PRKG1: variants seen among roughly 807,000 people sequenced by gnomAD.
PRKG1 encodes cGMP-dependent protein kinase 1.
Under a neutral mutation model 88.1 loss-of-function variants are expected in PRKG1, and 35 were observed. That is an observed-to-expected ratio of 0.40 (90% CI 0.30 to 0.53). The LOEUF (loss-of-function observed/expected upper bound fraction) is 0.53, where lower values mean the gene tolerates loss of function less well. PRKG1 is among the 20% of genes least tolerant of loss of function. PRKG1 has a pLI of 0.59. For missense variants in PRKG1, 540 were observed against 839.8 expected, an observed-to-expected ratio of 0.64 and a Z score of 4.41; for synonymous variants, 303 against 292.5, an observed-to-expected ratio of 1.04 and a Z score of -0.37.
intron 3 of PRKG1, among the ~76,000 whole-genome samples, chr10:51,603,988 C>T (rs1453948210): frequency 1.3e-5 from 2 of 152,100 alleles, no homozygotes; most frequent in African/African-American, 4.8e-5. Flanking sequence ...GTTTACCCCA[C>T]TTCTGTGTCC....
chr10:52,239,409 A>C (rs1840788475), intron 9 of PRKG1, among the ~76,000 whole-genome samples: 2 of 148,922 alleles, frequency 1.3e-5, no homozygotes, highest in South Asian at 4.2e-4. Flanking sequence ...TTTTACTGAA[A>C]TGAGTTGATT....
intron 13 of PRKG1, among the ~76,000 whole-genome samples, chr10:52,281,408 G>T (rs1365937921): frequency 1.3e-5 from 2 of 151,556 alleles, no homozygotes; most frequent in African/African-American, 4.9e-5. Context: ...CCATAGAAGA[G>T]AAGTTCTTTT....
intron 5 of PRKG1, among the ~76,000 whole-genome samples, chr10:51,948,632 G>A (rs868745848): frequency 1.3e-5 from 2 of 151,906 alleles, no homozygotes; most frequent in African/African-American, 4.8e-5. Context: ...CAGTCTTGGT[G>A]ACCTGAGAAA....
chr10:51,774,552 A>G (rs1284842646), intron 3 of PRKG1, among the ~76,000 whole-genome samples: 4 of 152,112 alleles, frequency 2.6e-5, no homozygotes, highest in Non-Finnish European at 5.9e-5. Context: ...AGAGTACAGT[A>G]TGCTTACTCT....
chr10:51,991,667 G>T (rs918449805), intron 5 of PRKG1, among the ~76,000 whole-genome samples: 1 of 152,170 alleles, frequency 6.6e-6, no homozygotes, highest in Non-Finnish European at 1.5e-5. Context: ...TGCTGAGAAT[G>T]ATGGTTTCCA....
chr10:52,160,021 G>A lies in PRKG1; in HGVS notation c.1002-1868G>A, dbSNP rs142816797. Among the ~76,000 whole-genome samples, 1,322 of 151,996 alleles carry A rather than the reference G, an allele frequency of 8.7e-3. 17 individuals carry two copies. The highest frequency in any genetic ancestry group is 0.031 in the African/African-American group (1,268 of 41,526). ...TGGAATATACATTCTGGTGGTGGAC[G>A]TGCTGCTGAATTGCAGTCATCTTGG... On this transcript the variant is annotated intron_variant, in intron 8 of 17. Coordinates refer to ENST00000373980, the MANE Select transcript of PRKG1 (RefSeq NM_006258.4).
chr10:51,842,725 A>G (rs972485984), intron 4 of PRKG1, among the ~76,000 whole-genome samples: 1 of 152,192 alleles, frequency 6.6e-6, no homozygotes, highest in African/African-American at 2.4e-5. Context: ...GAAGCCCTTT[A>G]AAGTGTTCAT....
rs60296758 is a variant in PRKG1 at position 51,240,684 on chromosome 10, T to C, written c.478+87354T>C. Among the ~76,000 whole-genome samples the C allele has an allele frequency of 6.8e-4, 103 of 152,262 alleles. 2 individuals are homozygous for C. In the East Asian group the frequency reaches 0.018, roughly 27 times the overall value. The stretch of plus-strand genomic sequence containing the variant: ...AAATCCTGCAGGGACCTGTAAAATA[T>C]CAAAAGGACTATCACCTTGAACACC... On this transcript the variant is annotated intron_variant, in intron 2 of 17. Transcript: ENST00000373980.
intron 1 of PRKG1, among the ~76,000 whole-genome samples, chr10:51,077,231 T>C (rs1843978074): frequency 6.6e-6 from 1 of 152,208 alleles, no homozygotes; most frequent in South Asian, 2.1e-4. Context: ...TATGAATAAT[T>C]TGATTACACG....
chr10:51,442,757 T>C (rs1412169024), intron 2 of PRKG1, among the ~76,000 whole-genome samples: 4 of 152,052 alleles, frequency 2.6e-5, no homozygotes, highest in African/African-American at 9.7e-5. Context: ...TTTACTTTAA[T>C]AGAAAAAGTG....
intron 5 of PRKG1, among the ~76,000 whole-genome samples, chr10:52,005,871 C>T (rs1231210981): frequency 1.3e-5 from 2 of 152,068 alleles, no homozygotes; most frequent in Non-Finnish European, 2.9e-5. Flanking sequence ...AGGAAGCACA[C>T]AGATGCAGAT....
intron 2 of PRKG1, among the ~76,000 whole-genome samples, chr10:51,427,781 A>C (rs1029492113): frequency 1.3e-5 from 2 of 152,338 alleles, no homozygotes; most frequent in African/African-American, 4.8e-5. Flanking sequence ...GTTTCAGGTG[A>C]TTAATATTCA....
intron 2 of PRKG1, among the ~76,000 whole-genome samples, chr10:51,258,887 G>A (rs1839632305): frequency 6.6e-6 from 1 of 152,194 alleles, no homozygotes. Context: ...TGGATCTCAA[G>A]AAAGAGTGAG....
At chr10:51,066,043 G>A (rs113020209) in intron 1 of PRKG1, among the ~76,000 whole-genome samples, 79 of 152,166 alleles carry the variant, frequency 5.2e-4, no homozygotes, top group African/African-American at 1.8e-3. Flanking sequence ...ATAGGGCTAG[G>A]ATTTGAAGGC....
chr10:51,044,169 A>AT (rs1843459095), intron 1 of PRKG1, among the ~76,000 whole-genome samples: 1 of 152,152 alleles, frequency 6.6e-6, no homozygotes, highest in Admixed American at 6.5e-5. Flanking sequence ...ACTCACTCTT[A>AT]TATCTTTCAT....
chr10:51,528,045 G>A (rs1438169529), intron 3 of PRKG1, among the ~76,000 whole-genome samples: 4 of 152,120 alleles, frequency 2.6e-5, no homozygotes, highest in Admixed American at 6.6e-5. Context: ...ATAGCTTGCC[G>A]TGCTTTGAAA....
chr10:51,720,493 A>G (rs1841987487), intron 3 of PRKG1, among the ~76,000 whole-genome samples: 1 of 152,232 alleles, frequency 6.6e-6, no homozygotes. Context: ...TCATCACCAC[A>G]GTAACTCTCA....
intron 3 of PRKG1, among the ~76,000 whole-genome samples, chr10:51,495,499 C>T (rs1204078323): frequency 2.0e-5 from 3 of 152,130 alleles, no homozygotes; most frequent in Non-Finnish European, 2.9e-5. Context: ...AGATATCATT[C>T]CATATAGCGC....
At chr10:51,844,105 T>C (rs1450729668) in intron 4 of PRKG1, among the ~76,000 whole-genome samples, 3 of 152,160 alleles carry the variant, frequency 2.0e-5, no homozygotes, top group Non-Finnish European at 4.4e-5. Context: ...TTTATTTTTA[T>C]TTTTGTCAAT....
Sources: gnomAD v4.1 joint callset for allele counts (sites outside exome capture counted in the v4.1 genomes callset) on GRCh38, gnomAD v4.1.1 for gene constraint, MANE v1.5 for transcripts, NCBI Gene and HGNC (gene_info 2026-07-23, HGNC 2026-07-21) for gene names.